MYO1D: variants seen among roughly 807,000 people sequenced by gnomAD.
MYO1D encodes the protein unconventional myosin-Id.
A neutral mutation model predicts 122.0 loss-of-function variants in MYO1D; 83 were observed. The observed-to-expected ratio is 0.68, with a 90% CI of 0.57 to 0.82. The LOEUF (loss-of-function observed/expected upper bound fraction) is 0.82. Ranked by LOEUF, MYO1D falls within the 40% of genes least tolerant of loss-of-function variation. The pLI, the probability that MYO1D is intolerant of heterozygous loss-of-function variation, is 0.00. For synonymous variants in MYO1D, 464 were observed against 446.9 expected, an observed-to-expected ratio of 1.04 and a Z score of -0.48; for missense variants, 1,157 against 1,269.5, an observed-to-expected ratio of 0.91 and a Z score of 1.35.
At chr17:32,791,943 T>C (rs1313534321) in intron 1 of MYO1D, among the ~76,000 whole-genome samples, 2 of 152,226 alleles carry the variant, frequency 1.3e-5, no homozygotes, top group Non-Finnish European at 2.9e-5. Context: ...AGTTTAGTTG[T>C]TGTTTTTGAA....
intron 1 of MYO1D, among the ~76,000 whole-genome samples, chr17:32,841,458 C>A (rs553517445): frequency 6.6e-6 from 1 of 150,504 alleles, no homozygotes; most frequent in East Asian, 1.9e-4. Context: ...CAGAGTGAGA[C>A]CCTGTCTCAA....
chr17:32,614,013 G>A (rs2087739272), intron 20 of MYO1D, among the ~76,000 whole-genome samples: 2 of 149,216 alleles, frequency 1.3e-5, no homozygotes, highest in South Asian at 4.2e-4. Flanking sequence ...TCATTTTACA[G>A]TAAGATGGTA....
chr17:32,833,944 T>C lies in MYO1D; in HGVS notation c.95+42834A>G, dbSNP rs114198441. On this transcript the variant is annotated intron_variant, in intron 1 of 21. Coordinates refer to ENST00000318217, the MANE Select transcript of MYO1D (RefSeq NM_015194.3). ...CCCTCTCTCCACATTGTGCTTTTTC[T>C]CCACAGCATTTATCACCAACTAATG... Among the ~76,000 whole-genome samples, 367 of 152,272 alleles carry C rather than the reference T, an allele frequency of 2.4e-3. 3 individuals carry two copies. Among genetic ancestry groups the C allele is most frequent in the African/African-American group, 8.5e-3 (354 of 41,556 alleles).
intron 1 of MYO1D, among the ~76,000 whole-genome samples, chr17:32,876,464 G>T (rs944315884): frequency 2.6e-5 from 4 of 152,122 alleles, no homozygotes; most frequent in Admixed American, 2.6e-4. Context: ...CCTGGCGCGG[G>T]GAAGCGCGCC....
intron 21 of MYO1D, among the ~76,000 whole-genome samples, chr17:32,552,806 T>C (rs564698322): frequency 1.3e-5 from 2 of 152,282 alleles, no homozygotes; most frequent in Admixed American, 1.3e-4. Flanking sequence ...AGAACGAAGA[T>C]GGAGAAACTT....
chr17:32,820,847 A>AT lies in MYO1D; in HGVS notation c.96-40064dup, dbSNP rs1448322789. ...CACATTGTATACTTTAAGTATATAT[A>AT]TTTTTTCTGTTCATTCTTCCTACTT... On this transcript the variant is annotated intron_variant, in intron 1 of 21. Coordinates refer to ENST00000318217, the MANE Select transcript of MYO1D (RefSeq NM_015194.3). Among the ~76,000 whole-genome samples, 4 of 152,160 alleles carry AT rather than the reference A, an allele frequency of 2.6e-5. No individual in the cohort carries two copies. The South Asian group carries it at 8.3e-4, about 32-fold the overall frequency.
At chr17:32,701,299 C>T (rs887321962) in intron 16 of MYO1D, among the ~76,000 whole-genome samples, 1 of 152,066 alleles carries the variant, frequency 6.6e-6, no homozygotes, top group Non-Finnish European at 1.5e-5. Context: ...ACAAATACCC[C>T]CTTCCAGATG....
intron 15 of MYO1D, among the ~76,000 whole-genome samples, chr17:32,714,477 G>C (rs1489533366): frequency 1.3e-5 from 2 of 152,038 alleles, no homozygotes; most frequent in African/African-American, 4.8e-5. Context: ...TCATTTCATT[G>C]ATGGGCATTT....
intron 21 of MYO1D, among the ~76,000 whole-genome samples, chr17:32,508,568 C>T (rs993891461): frequency 2.6e-5 from 4 of 152,156 alleles, no homozygotes; most frequent in African/African-American, 9.7e-5. Context: ...GAGCCACCTC[C>T]CCTGGCCAGT....
intron 21 of MYO1D, among the ~76,000 whole-genome samples, chr17:32,558,503 C>G (rs1364008615): frequency 6.6e-6 from 1 of 152,146 alleles, no homozygotes; most frequent in African/African-American, 2.4e-5. Flanking sequence ...AAACAGCAAA[C>G]AAACCACTCT....
chr17:32,856,360 A>G (rs147623920), intron 1 of MYO1D, among the ~76,000 whole-genome samples: 2 of 152,134 alleles, frequency 1.3e-5, no homozygotes, highest in African/African-American at 4.8e-5. Flanking sequence ...ATCATTACCT[A>G]TTCACACTCA....
chr17:32,827,466 GA>G (rs1412439954), intron 1 of MYO1D, among the ~76,000 whole-genome samples: 1 of 152,110 alleles, frequency 6.6e-6, no homozygotes, highest in African/African-American at 2.4e-5. Context: ...CAAAGTTCTG[GA>G]AATGGGTAGT....
chr17:32,872,729 AC>A (rs2091192538), intron 1 of MYO1D, among the ~76,000 whole-genome samples: 1 of 141,304 alleles, frequency 7.1e-6, no homozygotes, highest in South Asian at 2.2e-4. Flanking sequence ...TCGCTCTGTC[AC>A]CCAGGCCGGA....
At chr17:32,596,258 A>C (rs1319992480) in intron 21 of MYO1D, among the ~76,000 whole-genome samples, 2 of 152,230 alleles carry the variant, frequency 1.3e-5, no homozygotes, top group Non-Finnish European at 2.9e-5. Context: ...CAGGCATTCA[A>C]AGAGAGCAGT....
chr17:32,753,717 G>A (rs2089920382), intron 11 of MYO1D, among the ~76,000 whole-genome samples: 1 of 152,060 alleles, frequency 6.6e-6, no homozygotes, highest in East Asian at 1.9e-4. Context: ...TGGCCAACAT[G>A]GTGAAACTCC....
chr17:32,665,218 G>T (rs1183318714), intron 16 of MYO1D, among the ~76,000 whole-genome samples: 2 of 133,876 alleles, frequency 1.5e-5, no homozygotes, highest in African/African-American at 5.6e-5. Context: ...CCCCCGACCC[G>T]CCCAGCACTC....
chr17:32,598,664 C>A (rs1276877260), intron 21 of MYO1D, among the ~76,000 whole-genome samples: 1 of 152,140 alleles, frequency 6.6e-6, no homozygotes, highest in Non-Finnish European at 1.5e-5. Context: ...AAGCAAGTCA[C>A]ACAATTTTTT....
chr17:32,869,280 C>T (rs1200933066), intron 1 of MYO1D, among the ~76,000 whole-genome samples: 2 of 152,022 alleles, frequency 1.3e-5, no homozygotes, highest in East Asian at 3.8e-4. Flanking sequence ...AGCCTGCTTC[C>T]TACAGGAAAT....
chr17:32,545,523 T>C (rs745789945), intron 21 of MYO1D, among the ~76,000 whole-genome samples: 1 of 152,190 alleles, frequency 6.6e-6, no homozygotes, highest in Non-Finnish European at 1.5e-5. Flanking sequence ...CCACCTCTTA[T>C]TAGGAAGACA....
Sources: allele counts gnomAD v4.1 joint callset (sites outside exome capture counted in the v4.1 genomes callset), GRCh38; gene constraint gnomAD v4.1.1; transcripts MANE v1.5; gene names NCBI Gene and HGNC (gene_info 2026-07-23, HGNC 2026-07-21).